LIMD1: variants seen among roughly 807,000 people sequenced by gnomAD.
LIMD1 encodes the protein LIM domain-containing protein 1.
A neutral mutation model predicts 58.4 loss-of-function variants in LIMD1; 23 were observed. That is an observed-to-expected ratio of 0.39 (90% CI 0.28 to 0.56). The LOEUF (loss-of-function observed/expected upper bound fraction) is 0.56, where lower values mean the gene tolerates loss of function less well. Among genes scored for constraint, LIMD1 ranks in the 20% least tolerant of loss-of-function variants. The pLI is 0.57. For missense variants in LIMD1, 838 were observed against 855.5 expected (o/e 0.98, Z 0.25); for synonymous variants, 334 against 345.5 (o/e 0.97, Z 0.37).
At chr3:45,654,564 C>T (rs559706657) in intron 2 of LIMD1, among the ~76,000 whole-genome samples, 1 of 152,150 alleles carries the variant, frequency 6.6e-6, no homozygotes, top group Non-Finnish European at 1.5e-5. Flanking sequence ...GCAGGTGGCT[C>T]ACACCTGTAA....
At chr3:45,632,264 C>T (rs926157411) in intron 1 of LIMD1, among the ~76,000 whole-genome samples, 5 of 152,142 alleles carry the variant, frequency 3.3e-5, no homozygotes, top group African/African-American at 7.2e-5. Flanking sequence ...AAGTGGACTT[C>T]GGCATTACCA....
intron 4 of LIMD1, among the ~76,000 whole-genome samples, chr3:45,671,716 A>T (rs920609139): frequency 6.6e-6 from 1 of 152,176 alleles, no homozygotes; most frequent in African/African-American, 2.4e-5. Context: ...AGAGTTTCTG[A>T]TTCAAGAAAT....
In LIMD1 at chr3:45,684,281, T is replaced by C. The variant is rs2673064; in HGVS notation, c.*7222T>C. The C allele has an allele frequency of 0.98, 149,885 of 152,348 alleles. 73,737 individuals are homozygous for C. Among genetic ancestry groups the C allele is most frequent in the Middle Eastern group, 1 (296 of 296 alleles). 9.4% of individuals were successfully genotyped at this position (152,348 alleles called of 1,614,324 possible). On this transcript the variant is annotated 3_prime_UTR_variant, in exon 8 of 8. Transcript: ENST00000273317. ...ACTAATCCTAGCTCTCAAGGACAGG[T>C]GGTTCTGGGCCCTGTGTTGCCCATG... is the stretch of plus-strand genomic sequence containing the variant.
At chr3:45,676,042 A>C (rs1277342670) in intron 7 of LIMD1, among the ~76,000 whole-genome samples, 2 of 151,904 alleles carry the variant, frequency 1.3e-5, no homozygotes, top group Admixed American at 6.6e-5. Context: ...TCAGGAGTTC[A>C]AGACCAGCCT....
At chr3:45,615,343 T>G (rs1461006331) in intron 1 of LIMD1, among the ~76,000 whole-genome samples, 2 of 152,204 alleles carry the variant, frequency 1.3e-5, no homozygotes, top group African/African-American at 4.8e-5. Flanking sequence ...AGGGCACCTT[T>G]TATTTTATTT....
chr3:45,623,330 G>C (rs1701643869), intron 1 of LIMD1, among the ~76,000 whole-genome samples: 1 of 152,182 alleles, frequency 6.6e-6, no homozygotes, highest in Non-Finnish European at 1.5e-5. Context: ...GCGATAGCTG[G>C]AGGAGAGCTT....
rs2125645673 is a variant in LIMD1 at position 45,595,777 on chromosome 3, C to T, written c.898C>T (p.Pro300Ser). Reference protein sequence around the residue: ...VQPRTPSVSAPLALSCPRQGG... With the variant: ...VQPRTPSVSASLALSCPRQGG... ...GCCCAGGACCCCTTCTGTGTCAGCA[C>T]CCTTGGCCCTGAGCTGCCCCAGGCA... Residue 300 changes from proline to serine, a missense_variant, in exon 1 of 8, where the codon CCC becomes TCC. Pro to Ser is a moderately conservative substitution (Grantham distance 74). Coordinates refer to ENST00000273317, the MANE Select transcript of LIMD1 (RefSeq NM_014240.3). 6.2e-7 allele frequency: 1 copy of T among 1,614,112 alleles called. No individual in the cohort carries two copies. Among genetic ancestry groups the T allele is most frequent in the East Asian group, 2.2e-5 (1 of 44,884 alleles).
chr3:45,661,964 C>T (rs1394777702), intron 2 of LIMD1, among the ~76,000 whole-genome samples: 1 of 152,140 alleles, frequency 6.6e-6, no homozygotes, highest in Non-Finnish European at 1.5e-5. Flanking sequence ...TGCTGTGTTG[C>T]CTAGGCTGGT....
At chr3:45,675,182 G>A (rs987941048) in intron 7 of LIMD1, among the ~76,000 whole-genome samples, 7 of 152,196 alleles carry the variant, frequency 4.6e-5, no homozygotes, top group Admixed American at 6.5e-5. Context: ...AGAAAAAGGT[G>A]AGGACATTTG....
At chr3:45,611,169 G>A (rs78952651) in intron 1 of LIMD1, among the ~76,000 whole-genome samples, 1,645 of 152,270 alleles carry the variant, frequency 0.011, 24 homozygotes, top group African/African-American at 0.038. Flanking sequence ...TGAAAGCCAA[G>A]CCCAATCGAT....
intron 2 of LIMD1, among the ~76,000 whole-genome samples, chr3:45,639,930 T>C (rs1038396530): frequency 3.9e-5 from 6 of 152,248 alleles, no homozygotes; most frequent in Non-Finnish European, 5.9e-5. Context: ...CCCAAAATGC[T>C]GGGATTACAG....
intron 1 of LIMD1, among the ~76,000 whole-genome samples, chr3:45,607,179 G>C (rs571302451): frequency 6.6e-6 from 1 of 152,154 alleles, no homozygotes; most frequent in Non-Finnish European, 1.5e-5. Context: ...ACAGGTCACC[G>C]AAATTTCCAA....
At chr3:45,631,271 T>C (rs1399516494) in intron 1 of LIMD1, among the ~76,000 whole-genome samples, 1 of 150,706 alleles carries the variant, frequency 6.6e-6, no homozygotes, top group Non-Finnish European at 1.5e-5. Flanking sequence ...TATACTGCAC[T>C]CCAGCCTGGC....
In LIMD1 at chr3:45,679,189, A is replaced by G. The variant is rs891619969; in HGVS notation, c.*2130A>G. 2.0e-5 allele frequency: 3 copies of G among 152,384 alleles called. No individual in the cohort carries two copies. The highest frequency in any genetic ancestry group is 1.9e-4 in the East Asian group (1 of 5,196). The allele number at this position is 152,384 out of a possible 1,614,324, so 9.4% of individuals were successfully genotyped here. On this transcript the variant is annotated 3_prime_UTR_variant, in exon 8 of 8. Transcript: ENST00000273317. ...TAAAAATCTGTGATTACATTTTTAA[A>G]TGAAATTTTCAAAGTGGCCTAGATT...
chr3:45,647,658 T>C (rs1701920570), intron 2 of LIMD1, among the ~76,000 whole-genome samples: 1 of 152,208 alleles, frequency 6.6e-6, no homozygotes, highest in Admixed American at 6.5e-5. Flanking sequence ...TCACCTCCAG[T>C]CTGGTCTCTG....
rs1023412470 is a variant in LIMD1, at chr3:45,679,867, C to T, written c.*2808C>T. ...TCTGCCGTCTTGGTTCATCTCACCA[C>T]AGAAGGGCATTTAGTCCTACCCAGC... On this transcript the variant is annotated 3_prime_UTR_variant, in exon 8 of 8. Coordinates refer to ENST00000273317, the MANE Select transcript of LIMD1 (RefSeq NM_014240.3). The T allele has an allele frequency of 6.6e-6, 1 of 152,216 alleles. No homozygotes were observed. The highest frequency in any genetic ancestry group is 2.4e-5 in the African/African-American group (1 of 41,442). The allele number at this position is 152,216 out of a possible 1,614,324, so 9.4% of individuals were successfully genotyped here.
chr3:45,643,657 G>A (rs1224997925), intron 2 of LIMD1, among the ~76,000 whole-genome samples: 1 of 152,164 alleles, frequency 6.6e-6, no homozygotes, highest in Admixed American at 6.5e-5. Context: ...GATATGAGAC[G>A]GAAAATGATG....
At chr3:45,638,896 A>G (rs892260949) in intron 2 of LIMD1, among the ~76,000 whole-genome samples, 3 of 152,098 alleles carry the variant, frequency 2.0e-5, no homozygotes, top group African/African-American at 7.2e-5. Flanking sequence ...TTTTGTTTTG[A>G]GATGGGGTCT....
At position 45,682,955 on chromosome 3, in the gene LIMD1, A is replaced by G. The variant is rs1239363597; in HGVS notation, c.*5896A>G. The G allele has an allele frequency of 2.0e-5, 3 of 152,366 alleles. No individual in the cohort carries two copies. Among genetic ancestry groups the G allele is most frequent in the Admixed American group, 2.0e-4 (3 of 15,310 alleles). 9.4% of individuals were successfully genotyped at this position (152,366 alleles called of 1,614,324 possible). A position where few individuals can be genotyped will look rare whatever the true frequency, so the allele number is the denominator to read the frequency against. ...AGCCAAAGGTTGTCGGCAGAAGCGA[A>G]TTGCTTCCAGAGGTGCTATAGGGTG... On this transcript the variant is annotated 3_prime_UTR_variant, in exon 8 of 8. Coordinates refer to ENST00000273317, the MANE Select transcript of LIMD1 (RefSeq NM_014240.3).
Sources: allele counts gnomAD v4.1 joint callset (sites outside exome capture counted in the v4.1 genomes callset), GRCh38; gene constraint gnomAD v4.1.1; transcripts MANE v1.5; gene names NCBI Gene and HGNC (gene_info 2026-07-23, HGNC 2026-07-21).